ZNF586: variants seen among roughly 807,000 people sequenced by gnomAD.
ZNF586 encodes the protein zinc finger protein 586.
Under a neutral mutation model 6.7 loss-of-function variants are expected in ZNF586, and 7 were observed. The observed-to-expected ratio is 1.04, with a 90% CI of 0.59 to 1.95. ZNF586 has a LOEUF of 1.95. ZNF586 is among the 30% of genes most tolerant of loss of function. ZNF586 has a pLI of 0.00. For synonymous variants in ZNF586, 166 were observed against 168.7 expected (o/e 0.98, Z 0.12); for missense variants, 442 against 489.6 (o/e 0.90, Z 0.92).
At position 57,775,600 on chromosome 19, in the gene ZNF586, C is replaced by CTTTT. The variant is rs563657252; in HGVS notation, c.37-926_37-923dup. On this transcript the variant is annotated intron_variant, in intron 1 of 2. Coordinates refer to ENST00000396154, the MANE Select transcript of ZNF586 (RefSeq NM_017652.4). The stretch of plus-strand genomic sequence containing the variant: ...TTACATACCACAATCCCTGGTTGCT[C>CTTTT]TTTTTTTTTTTTTTTTTTTTGAGAC... 1.5e-3 allele frequency among the ~76,000 whole-genome samples: 188 copies of CTTTT among 122,748 alleles called. 6 individuals carry two copies. The highest frequency in any genetic ancestry group is 5.3e-3 in the African/African-American group (167 of 31,490). The allele number at this position is 122,748 out of a possible 152,430, so 80.5% of individuals were successfully genotyped here.
intron 2 of ZNF586, 49 bp downstream of exon 2, chr19:57,776,718 C>A: frequency 6.5e-7 from 1 of 1,526,776 alleles, no homozygotes; most frequent in Non-Finnish European, 8.8e-7. Flanking sequence ...GTGCCCCTCA[C>A]CTTTATGCCT....
At chr19:57,775,822 G>C (rs139724584) in intron 1 of ZNF586, among the ~76,000 whole-genome samples, 3 of 151,994 alleles carry the variant, frequency 2.0e-5, no homozygotes, top group Admixed American at 2.0e-4. Flanking sequence ...GGCTGGTCTC[G>C]AACTCCTGAC....
rs796342921 is a variant in ZNF586, at chr19:57,774,893, A to G, written c.37-1650A>G. 6.2e-5 allele frequency: 16 copies of G among 259,814 alleles called. No homozygotes were observed. In the East Asian group the frequency reaches 2.7e-3, roughly 43 times the overall value. The allele number at this position is 259,814 out of a possible 1,614,324, so 16.1% of individuals were successfully genotyped here. On this transcript the variant is annotated intron_variant, in intron 1 of 2. Transcript: ENST00000396154. Reference sequence around the variant, plus strand: ...GGTCTGAGTGCAAATCTCCCTCCCCACTCTGCTCTTTGGGATAATGTGTCC... The same window carrying G: ...GGTCTGAGTGCAAATCTCCCTCCCCGCTCTGCTCTTTGGGATAATGTGTCC...
intron 1 of ZNF586, among the ~76,000 whole-genome samples, chr19:57,776,145 G>T (rs1322283371): frequency 6.6e-6 from 1 of 152,192 alleles, no homozygotes; most frequent in Non-Finnish European, 1.5e-5. Context: ...AGTGTGGGCA[G>T]TTAGGTGGTG....
chr19:57,771,407 T>G (rs1338741014), intron 1 of ZNF586, among the ~76,000 whole-genome samples: 1 of 151,830 alleles, frequency 6.6e-6, no homozygotes, highest in African/African-American at 2.4e-5. Context: ...CTTCCCAAAG[T>G]GCTGGGATGC....
chr19:57,770,229 T>A (rs1463076667), intron 1 of ZNF586, among the ~76,000 whole-genome samples: 2 of 145,318 alleles, frequency 1.4e-5, no homozygotes, highest in Non-Finnish European at 1.5e-5. Flanking sequence ...CGATCTCGGC[T>A]CACTGCAAGC....
At position 57,779,242 on chromosome 19, in the gene ZNF586, T is replaced by C. The variant is rs771564505; in HGVS notation, c.655T>C (p.Ser219Pro). 1 of 1,613,732 alleles carries C rather than the reference T, an allele frequency of 6.2e-7. No homozygotes were observed. The highest frequency in any genetic ancestry group is 8.5e-7 in the Non-Finnish European group (1 of 1,179,972). ...ATGTGGGAAGTCCTTTGCTTATACA[T>C]CTAGTCTCATTAAACACAGGAGGAT... ...NECGKSFAYT[S>P]SLIKHRRIHT... is the part of the protein sequence containing the mutation. The change falls in exon 3 of 3, where the codon TCT (serine) becomes CCT (proline). Residue 219 changes from serine (S) to proline (P), a missense_variant. Coordinates refer to ENST00000396154, the MANE Select transcript of ZNF586 (RefSeq NM_017652.4).
chr19:57,776,220 T>C (rs554786482), intron 1 of ZNF586, among the ~76,000 whole-genome samples: 22 of 152,292 alleles, frequency 1.4e-4, no homozygotes, highest in African/African-American at 4.8e-4. Context: ...ATAAGGATTA[T>C]GTTTGAAAGG....
rs117816155 is a variant in ZNF586 at position 57,770,966 on chromosome 19, C to T, written c.36+1088C>T. Among the ~76,000 whole-genome samples, 984 of 152,246 alleles carry T rather than the reference C, an allele frequency of 6.5e-3. 30 individuals carry two copies. Among genetic ancestry groups the T allele is most frequent in the Admixed American group, 0.051 (774 of 15,292 alleles). ...CTCCGGGCTCAGGAGAGCCTCTCAT[C>T]TCAGTCTCCCGAGTAACTGGCTTTT... On this transcript the variant is annotated intron_variant, in intron 1 of 2. Coordinates refer to ENST00000396154, the MANE Select transcript of ZNF586 (RefSeq NM_017652.4).
rs1180101922 is a variant in ZNF586, at chr19:57,776,818, ACTGCC to A, written c.163+153_163+157del. 3 of 926,320 alleles carry A rather than the reference ACTGCC, an allele frequency of 3.2e-6. No individual in the cohort carries two copies. In the African/African-American group the frequency reaches 5.0e-5, roughly 16 times the overall value. 57.4% of individuals were successfully genotyped at this position (926,320 alleles called of 1,614,324 possible). A position where few individuals can be genotyped will look rare whatever the true frequency, so the allele number is the denominator to read the frequency against. The stretch of plus-strand genomic sequence containing the variant: ...TTGTTGGTCGGACTGAGGTGTACGT[ACTGCC>A]CTGTCCTTTCCTTGAGCAGCCCCAA... On this transcript the variant is annotated intron_variant, in intron 2 of 2. Coordinates refer to ENST00000396154, the MANE Select transcript of ZNF586 (RefSeq NM_017652.4).
In ZNF586 at chr19:57,780,029, A is replaced by T. The variant is rs1987348620; in HGVS notation, c.*233A>T. 1.9e-6 allele frequency: 1 copy of T among 524,114 alleles called. No homozygotes were observed. Among genetic ancestry groups the T allele is most frequent in the African/African-American group, 1.9e-5 (1 of 52,716 alleles). The allele number at this position is 524,114 out of a possible 1,614,324, so 32.5% of individuals were successfully genotyped here. A position where few individuals can be genotyped will look rare whatever the true frequency, so the allele number is the denominator to read the frequency against. On this transcript the variant is annotated 3_prime_UTR_variant, in exon 3 of 3. Coordinates refer to ENST00000396154, the MANE Select transcript of ZNF586 (RefSeq NM_017652.4). ...ACCACAATATTTACATGAGGAAAAT[A>T]CCACAGATGTGGAGGTAATATTATT...
In ZNF586 at chr19:57,775,590, C is replaced by T. The variant is rs117807641; in HGVS notation, c.37-953C>T. Among the ~76,000 whole-genome samples the T allele has an allele frequency of 1.2e-3, 176 of 148,790 alleles. 1 individual carries two copies. Among genetic ancestry groups the T allele is most frequent in the South Asian group, 1.9e-3 (9 of 4,794 alleles). On this transcript the variant is annotated intron_variant, in intron 1 of 2. Coordinates refer to ENST00000396154, the MANE Select transcript of ZNF586 (RefSeq NM_017652.4). Reference sequence around the variant, plus strand: ...TGAGCAAAGCTTACATACCACAATCCCTGGTTGCTCTTTTTTTTTTTTTTT... The same window carrying T: ...TGAGCAAAGCTTACATACCACAATCTCTGGTTGCTCTTTTTTTTTTTTTTT...
chr19:57,770,155 TTC>T (rs1158672821), intron 1 of ZNF586, among the ~76,000 whole-genome samples: 5 of 73,554 alleles, frequency 6.8e-5, no homozygotes, highest in African/African-American at 2.1e-4. Flanking sequence ...ACGGAGTTAT[TTC>T]TTTTTTTTTT....
chr19:57,778,814 A>G lies in ZNF586; in HGVS notation c.227A>G (p.Tyr76Cys). Residue 76 changes from tyrosine to cysteine, a missense_variant, in exon 3 of 3, where the codon TAC becomes TGC. Coordinates refer to ENST00000396154, the MANE Select transcript of ZNF586 (RefSeq NM_017652.4). ...PSKQSTCIHI[Y>C]KDQGGHSGER... is the part of the protein sequence containing the mutation. Reference sequence around the variant, plus strand: ...AAGCAGAGCACGTGTATACATATATACAAAGACCAGGGAGGTCATAGTGGA... The same window carrying G: ...AAGCAGAGCACGTGTATACATATATGCAAAGACCAGGGAGGTCATAGTGGA... The G allele has an allele frequency of 6.2e-7, 1 of 1,614,188 alleles. No homozygotes were observed. The highest frequency in any genetic ancestry group is 8.5e-7 in the Non-Finnish European group (1 of 1,180,034).
rs1444507765 is a variant in ZNF586 at position 57,769,842 on chromosome 19, C to A, written c.-1C>A. On this transcript the variant is annotated 5_prime_UTR_variant, in exon 1 of 3. Transcript: ENST00000396154. ...CCCGCGTTCCCCCCCCGCCCAGAGT[C>A]ATGGCGGCAGCAGCCGCTCTGAGGG... 6.5e-7 allele frequency: 1 copy of A among 1,543,648 alleles called. No homozygotes were observed. Among genetic ancestry groups the A allele is most frequent in the South Asian group, 1.2e-5 (1 of 84,006 alleles).
In ZNF586 at chr19:57,780,111, T is replaced by C. The variant is rs1230761812; in HGVS notation, c.*315T>C. 9.1e-6 allele frequency: 3 copies of C among 331,362 alleles called. No homozygotes were observed. The highest frequency in any genetic ancestry group is 1.1e-5 in the Non-Finnish European group (2 of 182,514). The allele number at this position is 331,362 out of a possible 1,614,324, so 20.5% of individuals were successfully genotyped here. ...TTATGAGGATGCCATCTGCCTAAAT[T>C]GAATGTCATACATCAAATAGCTGCA... On this transcript the variant is annotated 3_prime_UTR_variant, in exon 3 of 3. Transcript: ENST00000396154.
Position 57,779,349 on chromosome 19 carries a change from A to C in ZNF586, c.762A>C (p.Arg254Ser). Residue 254 changes from arginine (R) to serine (S), a missense_variant, in exon 3 of 3, where the codon AGA (arginine) becomes AGC (serine). Physicochemically the swap from Arg to Ser is moderately radical, Grantham distance 110 (BLOSUM62 -1). Transcript: ENST00000396154. ...ACTCCAGTCTTATTAAACACTTGAG[A>C]GTTCACACAGGAGAAAGGCCTTATG... ...AENSSLIKHL[R>S]VHTGERPYEC... The C allele has an allele frequency of 1.2e-6, 2 of 1,613,264 alleles. No individual in the cohort carries two copies. The highest frequency in any genetic ancestry group is 1.3e-5 in the African/African-American group (1 of 74,674).
Position 57,779,014 on chromosome 19 carries a change from T to C in ZNF586, c.427T>C (p.Phe143Leu). 1 of 1,613,096 alleles carries C rather than the reference T, an allele frequency of 6.2e-7. No individual in the cohort carries two copies. Among genetic ancestry groups the C allele is most frequent in the East Asian group, 2.2e-5 (1 of 44,744 alleles). The change falls in exon 3 of 3, where the codon TTT (phenylalanine) becomes CTT (leucine). Residue 143 changes from phenylalanine to leucine, a missense_variant. Phe to Leu is a conservative substitution (Grantham distance 22, BLOSUM62 0). Transcript: ENST00000396154. ...QKPTLHIHER[F>L]HTGQKTYECS... Reference sequence around the variant, plus strand: ...GCCTACACTCCATATTCATGAGAGATTTCATACTGGGCAAAAGACCTATGA... The same window carrying C: ...GCCTACACTCCATATTCATGAGAGACTTCATACTGGGCAAAAGACCTATGA...
Position 57,770,008 on chromosome 19 carries a change from G to A in ZNF586, c.36+130G>A, listed in dbSNP as rs536403923. 2.3e-4 allele frequency: 203 copies of A among 868,110 alleles called. No individual in the cohort carries two copies. In the African/African-American group the frequency reaches 3.3e-3, roughly 14 times the overall value. 53.8% of individuals were successfully genotyped at this position (868,110 alleles called of 1,614,324 possible). ...CAGGGACGGAGAGGCGCCGGCGGGT[G>A]GGATCCCTGTTTCCGACACCCAGTT... On this transcript the variant is annotated intron_variant, in intron 1 of 2. Coordinates refer to ENST00000396154, the MANE Select transcript of ZNF586 (RefSeq NM_017652.4).
Sources: allele counts gnomAD v4.1 joint callset (sites outside exome capture counted in the v4.1 genomes callset), GRCh38; gene constraint gnomAD v4.1.1; transcripts MANE v1.5; gene names NCBI Gene and HGNC (gene_info 2026-07-23, HGNC 2026-07-21).